TRPM3: variants seen among roughly 807,000 people sequenced by gnomAD.
TRPM3 encodes the protein long transient receptor potential channel 3.
A neutral mutation model predicts 181.2 loss-of-function variants in TRPM3; 77 were observed. The observed-to-expected ratio is 0.42, with a 90% CI of 0.35 to 0.51. TRPM3 has a LOEUF of 0.51. TRPM3 is among the 20% of genes least tolerant of loss of function. The pLI, the probability that TRPM3 is intolerant of heterozygous loss-of-function variation, is 0.01. For synonymous variants in TRPM3, 745 were observed against 796.4 expected (o/e 0.94, Z 1.09); for missense variants, 1,759 against 2,196.7 (o/e 0.80, Z 3.98).
intron 1 of TRPM3, among the ~76,000 whole-genome samples, chr9:71,374,984 G>A (rs532329648): frequency 4.6e-5 from 7 of 152,100 alleles, no homozygotes; most frequent in Non-Finnish European, 1.0e-4. Flanking sequence ...TCATGAATAG[G>A]AAGAATCAAT....
intron 1 of TRPM3, among the ~76,000 whole-genome samples, chr9:71,234,138 CG>C (rs1391341736): frequency 6.6e-6 from 1 of 152,186 alleles, no homozygotes; most frequent in Admixed American, 6.5e-5. Context: ...TACTCATTCA[CG>C]TGCCTGACTG....
chr9:70,887,336 T>G (rs2096106786), intron 1 of TRPM3, among the ~76,000 whole-genome samples: 1 of 152,206 alleles, frequency 6.6e-6, no homozygotes, highest in African/African-American at 2.4e-5. Flanking sequence ...TCTGGATATA[T>G]CTTCAGTGCT....
At chr9:70,617,074 A>C (rs943001179) in intron 17 of TRPM3, among the ~76,000 whole-genome samples, 13 of 152,186 alleles carry the variant, frequency 8.5e-5, no homozygotes, top group Non-Finnish European at 1.9e-4. Flanking sequence ...TGAGGCAGGA[A>C]CAGTCCTTGC....
In TRPM3 at chr9:71,368,252, T is replaced by C. The variant is rs1227635370; in HGVS notation, c.183+78401A>G. Among the ~76,000 whole-genome samples, 3 of 152,168 alleles carry C rather than the reference T, an allele frequency of 2.0e-5. No homozygotes were observed. In the East Asian group the frequency reaches 5.8e-4, roughly 29 times the overall value. On this transcript the variant is annotated intron_variant, in intron 1 of 24. Coordinates refer to the TRPM3 transcript ENST00000357533. ...TGTAGAAGTTGATTTGACCATCTGA[T>C]TACTTGTTTGACAGCTGCAGAGTTT...
chr9:70,903,731 G>A (rs2133053292), intron 1 of TRPM3, among the ~76,000 whole-genome samples: 1 of 152,162 alleles, frequency 6.6e-6, no homozygotes, highest in South Asian at 2.1e-4. Context: ...AGACAATAAG[G>A]CAAGAGGTTT....
chr9:70,657,111 A>G (rs1019925407), intron 9 of TRPM3, among the ~76,000 whole-genome samples: 4 of 151,686 alleles, frequency 2.6e-5, no homozygotes, highest in Non-Finnish European at 5.9e-5. Flanking sequence ...ATTTATATAC[A>G]TAAAAAACCC....
rs183464124 is a variant in TRPM3 at position 71,258,778 on chromosome 9, G to T, written c.183+187875C>A. 3.0e-4 allele frequency among the ~76,000 whole-genome samples: 45 copies of T among 152,248 alleles called. 1 individual carries two copies. The highest frequency in any genetic ancestry group is 2.9e-3 in the East Asian group (15 of 5,186). On this transcript the variant is annotated intron_variant, in intron 1 of 24. Transcript: ENST00000357533. ...AAATCTGAGACCCAAAGGGGTAATA[G>T]AATTTTCCCTGGTCTCAGTATCTTG...
intron 1 of TRPM3, among the ~76,000 whole-genome samples, chr9:70,989,002 G>C (rs186868262): frequency 6.6e-6 from 1 of 152,272 alleles, no homozygotes; most frequent in East Asian, 1.9e-4. Flanking sequence ...TGGCTGACTT[G>C]ATTTCAACTC....
At chr9:70,567,266 G>T (rs1270565263) in intron 22 of TRPM3, among the ~76,000 whole-genome samples, 2 of 152,242 alleles carry the variant, frequency 1.3e-5, no homozygotes, top group Non-Finnish European at 1.5e-5. Flanking sequence ...CATAAAGTAT[G>T]TAAAGAGAAA....
intron 1 of TRPM3, among the ~76,000 whole-genome samples, chr9:71,418,406 G>T (rs116839699): frequency 2.0e-5 from 3 of 151,780 alleles, no homozygotes; most frequent in Non-Finnish European, 4.4e-5. Context: ...ATCAGGATAC[G>T]CCTCTGTTGA....
upstream of TRPM3, among the ~76,000 whole-genome samples, chr9:71,122,629 G>T (rs11142694): frequency 7.8e-3 from 1,195 of 152,320 alleles, 2 homozygotes; most frequent in Middle Eastern, 0.027. Context: ...TGAACTGGGA[G>T]TGGTGCAAGC....
Position 70,606,651 on chromosome 9 carries a change from G to GTGTGTGTGTA in TRPM3, c.2668-3182_2668-3181insTACACACACA, listed in dbSNP as rs145779027. Among the ~76,000 whole-genome samples, 127 of 140,742 alleles carry GTGTGTGTGTA rather than the reference G, an allele frequency of 9.0e-4. 2 individuals are homozygous for GTGTGTGTGTA. In the South Asian group the frequency reaches 0.02, roughly 22 times the overall value. The allele number at this position is 140,742 out of a possible 152,430, so 92.3% of individuals were successfully genotyped here. A position where few individuals can be genotyped will look rare whatever the true frequency, so the allele number is the denominator to read the frequency against. ...TAATTGTGTGTGTGTGTGTGTGTGT[G>GTGTGTGTGTA]TATATATATATATATATGTATACTC... On this transcript the variant is annotated intron_variant, in intron 19 of 25. Transcript: ENST00000677713.
At chr9:71,327,035 G>T (rs187965292) in intron 1 of TRPM3, among the ~76,000 whole-genome samples, 2 of 152,322 alleles carry the variant, frequency 1.3e-5, no homozygotes, top group East Asian at 3.9e-4. Flanking sequence ...TTTGTGCAGA[G>T]CCTCTACTCT....
At chr9:71,142,171 T>G (rs927014440) in intron 1 of TRPM3, among the ~76,000 whole-genome samples, 3 of 152,174 alleles carry the variant, frequency 2.0e-5, no homozygotes, top group Non-Finnish European at 4.4e-5. Context: ...AACACTAGAC[T>G]AAACTTCAAA....
intron 1 of TRPM3, among the ~76,000 whole-genome samples, chr9:71,379,853 T>C (rs1490880561): frequency 1.3e-5 from 2 of 152,066 alleles, no homozygotes; most frequent in African/African-American, 2.4e-5. Context: ...ACTTGTCTTG[T>C]AAAATGTGTC....
intron 1 of TRPM3, among the ~76,000 whole-genome samples, chr9:71,242,061 T>C (rs970198059): frequency 6.6e-6 from 1 of 152,238 alleles, no homozygotes; most frequent in African/African-American, 2.4e-5. Flanking sequence ...AGTGTTAACT[T>C]GGGAAATCAC....
chr9:71,001,629 G>A (rs1457716904), intron 1 of TRPM3, among the ~76,000 whole-genome samples: 1 of 152,174 alleles, frequency 6.6e-6, no homozygotes, highest in African/African-American at 2.4e-5. Flanking sequence ...TTTTCCTCCT[G>A]TAAAAACATT....
chr9:70,640,335 T>G (rs2057864585), intron 10 of TRPM3, among the ~76,000 whole-genome samples: 1 of 152,326 alleles, frequency 6.6e-6, no homozygotes, highest in Non-Finnish European at 1.5e-5. Flanking sequence ...AGACAACTCA[T>G]AGAGATGGAA....
intron 4 of TRPM3, 94 bp from the exon 5 acceptor site, chr9:70,843,221 T>G: frequency 4.5e-6 from 6 of 1,321,398 alleles, no homozygotes; most frequent in Non-Finnish European, 6.2e-6. Context: ...CTCCCGAGGT[T>G]AAATAAATTG....
Sources: gnomAD v4.1 joint callset for allele counts (sites outside exome capture counted in the v4.1 genomes callset) on GRCh38, gnomAD v4.1.1 for gene constraint, MANE v1.5 for transcripts, NCBI Gene and HGNC (gene_info 2026-07-23, HGNC 2026-07-21) for gene names.